The following DNAH5 variants were observed in gnomAD, a reference collection of about 807,000 sequenced individuals.
DNAH5 encodes axonemal beta dynein heavy chain 5.
In DNAH5, 372 loss-of-function variants were observed where a neutral mutation model predicts 518.2. That is an observed-to-expected ratio of 0.72 (90% confidence interval 0.66 to 0.78). The LOEUF is 0.78. Among genes scored for constraint, DNAH5 ranks in the 30% least tolerant of loss-of-function variants. The probability of loss-of-function intolerance (pLI) is 0.00; values close to 1 mark genes in which losing one functional copy is unlikely to be tolerated. For missense variants in DNAH5, 5,523 were observed against 5,687.0 expected (o/e 0.97, Z 0.93); for synonymous variants, 2,039 against 2,025.9 (o/e 1.01, Z -0.17).
chr5:13,862,723 C>T lies in DNAH5; in HGVS notation c.4621G>A (p.Glu1541Lys), dbSNP rs1233240685. 1 of 1,613,728 alleles carries T rather than the reference C, an allele frequency of 6.2e-7. No individual in the cohort carries two copies. The highest frequency in any genetic ancestry group is 8.5e-7 in the Non-Finnish European group (1 of 1,179,902). ...TTCAGCTTTTGCTCAATGTCTCTCT[C>T]TTTCACCGCACTGATACAGATGTCC... ...IEDICISAVK[E>K]RDIEQKLKQV... Residue 1541 changes from glutamate to lysine, a missense_variant, in exon 29 of 79, where the codon GAG (glutamate) becomes AAG (lysine). Glu to Lys is a moderately conservative substitution (Grantham distance 56). Coordinates refer to ENST00000265104, the MANE Select transcript of DNAH5 (RefSeq NM_001369.3).
chr5:13,735,436 C>T, intron 67 of DNAH5, 115 bp from the exon 68 acceptor site: 2 of 1,014,770 alleles, frequency 2.0e-6, no homozygotes, highest in Admixed American at 2.1e-5. Context: ...CTTATTTTTA[C>T]ACATCAAGAG....
Position 13,690,975 on chromosome 5 carries a change from C to A in DNAH5, c.*1009G>T, listed in dbSNP as rs1740640731. 1 of 152,096 alleles carries A rather than the reference C, an allele frequency of 6.6e-6. No individual in the cohort carries two copies. Among genetic ancestry groups the A allele is most frequent in the Non-Finnish European group, 1.5e-5 (1 of 68,030 alleles). The allele number at this position is 152,096 out of a possible 1,614,324, so 9.4% of individuals were successfully genotyped here. A position where few individuals can be genotyped will look rare whatever the true frequency, so the allele number is the denominator to read the frequency against. On this transcript the variant is annotated 3_prime_UTR_variant, in exon 79 of 79. Coordinates refer to ENST00000265104, the MANE Select transcript of DNAH5 (RefSeq NM_001369.3). ...ATGCAAATATATTTGCTGTTATAAT[C>A]ACAGTGTGCTCAATATTTTGTAAAC...
chr5:13,737,592 T>C, intron 65 of DNAH5, 97 bp from the exon 66 acceptor site: 1 of 1,239,596 alleles, frequency 8.1e-7, no homozygotes, highest in Non-Finnish European at 1.1e-6. Flanking sequence ...GAAGCTCCCA[T>C]ACTGTATTTA....
intron 65 of DNAH5, among the ~76,000 whole-genome samples, chr5:13,748,245 T>C (rs1749687529): frequency 6.6e-6 from 1 of 152,246 alleles, no homozygotes; most frequent in African/African-American, 2.4e-5. Flanking sequence ...TGTATCTCTG[T>C]TTTGGTACCA....
At chr5:13,978,332 C>A (rs1047317962) in intron 1 of DNAH5, among the ~76,000 whole-genome samples, 1 of 152,118 alleles carries the variant, frequency 6.6e-6, no homozygotes, top group Admixed American at 6.5e-5. Flanking sequence ...ACTTCCAGTA[C>A]GGGAGATTAC....
At chr5:13,794,502 C>G (rs561632026) in intron 47 of DNAH5, among the ~76,000 whole-genome samples, 1 of 152,336 alleles carries the variant, frequency 6.6e-6, no homozygotes, top group Non-Finnish European at 1.5e-5. Context: ...CTGAAACTGA[C>G]TGCTGTCACC....
intron 47 of DNAH5, among the ~76,000 whole-genome samples, chr5:13,802,070 A>T (rs558095083): frequency 7.4e-4 from 112 of 152,260 alleles, no homozygotes; most frequent in South Asian, 2.3e-3. Flanking sequence ...TGATTTTTAA[A>T]AAAAAAAAAT....
At chr5:13,862,813 T>G in intron 28 of DNAH5, 66 bp from the exon 29 acceptor site, 1 of 1,047,256 alleles carries the variant, frequency 9.5e-7, no homozygotes, top group Non-Finnish European at 1.4e-6. Context: ...ATAGTCTACG[T>G]GCAATACCCC....
chr5:13,906,197 T>C (rs980170714), intron 12 of DNAH5, among the ~76,000 whole-genome samples: 7 of 152,192 alleles, frequency 4.6e-5, no homozygotes, highest in Non-Finnish European at 1.0e-4. Context: ...CCTTGTATCT[T>C]TGTCCAAACC....
chr5:13,718,658 A>T (rs1744624453), intron 72 of DNAH5, among the ~76,000 whole-genome samples: 1 of 152,236 alleles, frequency 6.6e-6, no homozygotes, highest in Non-Finnish European at 1.5e-5. Context: ...GGGCTTAAAT[A>T]GGGCAGTACT....
intron 35 of DNAH5, among the ~76,000 whole-genome samples, chr5:13,837,805 A>C (rs1764608136): frequency 7.1e-6 from 1 of 141,734 alleles, no homozygotes; most frequent in Non-Finnish European, 1.5e-5. Flanking sequence ...GGTTCAAGTG[A>C]TTCTCCTGCC....
At chr5:13,701,805 T>C (rs1267155141) in intron 76 of DNAH5, among the ~76,000 whole-genome samples, 2 of 127,908 alleles carry the variant, frequency 1.6e-5, no homozygotes, top group Non-Finnish European at 3.6e-5. Flanking sequence ...AAGGCTTTCC[T>C]CATTTTTCCT....
Position 13,911,415 on chromosome 5 carries a change from C to G in DNAH5, c.1615G>C (p.Glu539Gln), listed in dbSNP as rs1424469912. 2 of 1,613,982 alleles carry G rather than the reference C, an allele frequency of 1.2e-6. No homozygotes were observed. Among genetic ancestry groups the G allele is most frequent in the East Asian group, 2.2e-5 (1 of 44,854 alleles). ...AGGTCATTAGTCTGCTTGCAAAACT[C>G]TTCGTAATCTTGGTCAAAATCCATT... ...RKMDFDQDYEEFCKQTNDLHN... is the reference protein window; with the variant it reads ...RKMDFDQDYEQFCKQTNDLHN... Residue 539 changes from glutamate to glutamine, a missense_variant, in exon 12 of 79, where the codon GAG (glutamate) becomes CAG (glutamine). Physicochemically the swap from Glu to Gln is conservative, Grantham distance 29. Around this residue, in one of 3 missense-constraint regions of DNAH5, gnomAD observed 5,121 missense variants for 5,223.3 expected, o/e 0.98. Coordinates refer to ENST00000265104, the MANE Select transcript of DNAH5 (RefSeq NM_001369.3).
intron 16 of DNAH5, among the ~76,000 whole-genome samples, chr5:13,892,197 C>G (rs2151950422): frequency 6.6e-6 from 1 of 152,164 alleles, no homozygotes; most frequent in East Asian, 1.9e-4. Flanking sequence ...AGAGAGCCAA[C>G]ACTTTCACTT....
At position 13,891,096 on chromosome 5, in the gene DNAH5, C is replaced by T. The variant is rs1358956633; in HGVS notation, c.2457G>A (p.Arg819=). ...TGCGGAACTCAATCAAATCATTGAC[C>T]CTGTCAAGCAGCAACTCCAGGTCCT... ...KIKDLELLLD[R]VNDLIEFRID... Residue 819 remains arginine, a synonymous_variant, in exon 17 of 79, where the codon AGG becomes AGA. Transcript: ENST00000265104. 1 of 1,613,948 alleles carries T rather than the reference C, an allele frequency of 6.2e-7. No homozygotes were observed. The highest frequency in any genetic ancestry group is 1.7e-5 in the Admixed American group (1 of 60,010).
rs185656695 is a variant in DNAH5, at chr5:13,816,225, G to A, written c.6988+1323C>T. On this transcript the variant is annotated intron_variant, in intron 42 of 78. Transcript: ENST00000265104. ...GCAAAAAACTTGACAGCAGTCATAC[G>A]AGGAGATACTTGGAGGTAGAGAAAA... Among the ~76,000 whole-genome samples, 181 of 152,300 alleles carry A rather than the reference G, an allele frequency of 1.2e-3. 2 individuals are homozygous for A. The highest frequency in any genetic ancestry group is 4.1e-3 in the African/African-American group (170 of 41,556).
At chr5:13,945,245 T>G (rs934157360), upstream of DNAH5, among the ~76,000 whole-genome samples, 9 of 152,276 alleles carry the variant, frequency 5.9e-5, no homozygotes, top group African/African-American at 1.9e-4. Flanking sequence ...AGATCTCTCA[T>G]GTATGGTTTC....
chr5:13,921,475 T>TCACA lies in DNAH5; in HGVS notation c.660+628_660+631dup, dbSNP rs138046391. ...CTCTCTCTCTTGCTCTATCTCTCTCTCACACACACACACACACACACACAC... is the reference window on the plus strand; with the variant it reads ...CTCTCTCTCTTGCTCTATCTCTCTCTCACACACACACACACACACACACACACAC... On this transcript the variant is annotated intron_variant, in intron 5 of 78. Transcript: ENST00000265104. Among the ~76,000 whole-genome samples the TCACA allele has an allele frequency of 5.5e-3, 405 of 73,724 alleles. 2 individuals are homozygous for TCACA. The highest frequency in any genetic ancestry group is 0.018 in the African/African-American group (351 of 19,754). 48.4% of individuals were successfully genotyped at this position (73,724 alleles called of 152,430 possible).
At position 13,867,838 on chromosome 5, in the gene DNAH5, T is replaced by C; in HGVS notation, c.3989A>G (p.Glu1330Gly). 1 of 1,614,028 alleles carries C rather than the reference T, an allele frequency of 6.2e-7. No homozygotes were observed. The highest frequency in any genetic ancestry group is 1.3e-5 in the African/African-American group (1 of 75,030). ...LVSLQPSFKK[E>G]LISAVEVFLQ... ...GAATACCTCCACAGCACTAATAAGC[T>C]CTTTCTTGAAACTGGGCTGCAGTGA... The change falls in exon 25 of 79, where the codon GAG becomes GGG. Residue 1330 changes from glutamate (E) to glycine (G), a missense_variant. Coordinates refer to ENST00000265104, the MANE Select transcript of DNAH5 (RefSeq NM_001369.3).
Sources: allele counts gnomAD v4.1 joint callset (sites outside exome capture counted in the v4.1 genomes callset), GRCh38; gene constraint gnomAD v4.1.1; regional missense constraint gnomAD v4.1.1; transcripts MANE v1.5; gene names NCBI Gene and HGNC (gene_info 2026-07-23, HGNC 2026-07-21).